Variants in DCAF6 observed in about 807,000 individuals in gnomAD.
DCAF6 encodes DDB1- and CUL4-associated factor 6.
DCAF6 carries 54 observed loss-of-function variants against 125.1 expected under a neutral mutation model. The ratio of observed to expected loss-of-function variants is 0.43; its 90% confidence interval spans 0.35 to 0.54. The LOEUF (loss-of-function observed/expected upper bound fraction) is 0.54, where lower values mean the gene tolerates loss of function less well. Among genes scored for constraint, DCAF6 ranks in the 20% least tolerant of loss-of-function variants. DCAF6 has a pLI of 0.01. For synonymous variants in DCAF6, 371 were observed against 390.4 expected, an observed-to-expected ratio of 0.95 and a Z score of 0.58; for missense variants, 934 against 1,161.7, an observed-to-expected ratio of 0.80 and a Z score of 2.85.
At chr1:167,920,466 G>A in the DCAF6 span, 1 of 1,389,266 alleles carries the variant, frequency 7.2e-7, no homozygotes, top group Non-Finnish European at 9.9e-7. Context: ...CAAACACTAA[G>A]CCACTAAATA....
intron 4 of DCAF6, among the ~76,000 whole-genome samples, chr1:167,978,332 C>G (rs753939481): frequency 6.6e-6 from 1 of 152,154 alleles, no homozygotes; most frequent in African/African-American, 2.4e-5. Context: ...ACATTCCCAC[C>G]AACAGCATGT....
the DCAF6 span, chr1:167,893,914 T>C: frequency 6.2e-7 from 1 of 1,613,650 alleles, no homozygotes; most frequent in African/African-American, 1.3e-5. Context: ...AGGATCAGGC[T>C]TCAGCGTGCA....
chr1:168,072,294 T>TAAAAAAAAAAAAAAAAAAA (rs59674650), intron 21 of DCAF6, among the ~76,000 whole-genome samples: 8 of 41,008 alleles, frequency 2.0e-4, no homozygotes, highest in African/African-American at 6.5e-4. Context: ...AGAATCAGTC[T>TAAAAAAAAAAAAAAAAAAA]AAAAAAAAAA....
At chr1:167,967,915 G>A (rs12145186) in intron 3 of DCAF6, among the ~76,000 whole-genome samples, 1 of 151,704 alleles carries the variant, frequency 6.6e-6, no homozygotes, top group Non-Finnish European at 1.5e-5. Context: ...GTTTTTGGTA[G>A]AGACAGGGTT....
the DCAF6 span, among the ~76,000 whole-genome samples, chr1:167,919,060 C>T: frequency 6.6e-6 from 1 of 152,108 alleles, no homozygotes; most frequent in Non-Finnish European, 1.5e-5. Context: ...TTTATACTCG[C>T]AAAGCACCTT....
chr1:167,974,812 T>A lies in DCAF6; in HGVS notation c.253-18T>A. 1 of 1,478,580 alleles carries A rather than the reference T, an allele frequency of 6.8e-7. No homozygotes were observed. The allele number at this position is 1,478,580 out of a possible 1,614,324, so 91.6% of individuals were successfully genotyped here. ...GAAATAATAAGTTACCATTAACTGC[T>A]TTCTTTGTGTGTTTTAGGTTTTGAC... On this transcript the variant is annotated intron_variant, in intron 3 of 21. Coordinates refer to ENST00000367840, the MANE Select transcript of DCAF6 (RefSeq NM_001198956.2).
At chr1:167,866,335 AATTTAAAGCTTGAAAT>A in the DCAF6 span, among the ~76,000 whole-genome samples, 1 of 152,214 alleles carries the variant, frequency 6.6e-6, no homozygotes, top group African/African-American at 2.4e-5. Context: ...ATACCAGATC[AATTTAAAGCTTGAAAT>A]CAAATAGCTA....
chr1:167,880,145 C>T, the DCAF6 span: 72 of 1,613,168 alleles, frequency 4.5e-5, no homozygotes, highest in South Asian at 3.5e-4. Flanking sequence ...GTGTGTCCAA[C>T]GATCCCACAG....
At chr1:167,993,558 TG>T (rs1309446934) in intron 7 of DCAF6, 118 bp downstream of exon 7, 1 of 732,882 alleles carries the variant, frequency 1.4e-6, no homozygotes, top group Non-Finnish European at 2.3e-6. Flanking sequence ...GCAACCAGCC[TG>T]ACCAACATGG....
intron 21 of DCAF6, among the ~76,000 whole-genome samples, chr1:168,074,658 G>A (rs1373735853): frequency 6.6e-6 from 1 of 152,124 alleles, no homozygotes; most frequent in Non-Finnish European, 1.5e-5. Flanking sequence ...AGAATGTGGA[G>A]GAGGGAGTTC....
the DCAF6 span, chr1:167,883,291 G>A: frequency 1.2e-6 from 1 of 844,104 alleles, no homozygotes. Flanking sequence ...GCCCACCTCT[G>A]CCTCCCAAAG....
chr1:167,928,037 G>A, the DCAF6 span, among the ~76,000 whole-genome samples: 2 of 152,060 alleles, frequency 1.3e-5, no homozygotes, highest in African/African-American at 2.4e-5. Context: ...ACTGCAAACA[G>A]TGTTTTCTTA....
At chr1:168,041,893 C>T (rs1327967650) in intron 13 of DCAF6, among the ~76,000 whole-genome samples, 1 of 3,980 alleles carries the variant, frequency 2.5e-4, no homozygotes, top group Non-Finnish European at 4.2e-4. Flanking sequence ...ATGTTTGTCG[C>T]GCACACACAC....
At chr1:167,875,523 C>T in the DCAF6 span, among the ~76,000 whole-genome samples, 1 of 152,234 alleles carries the variant, frequency 6.6e-6, no homozygotes, top group Non-Finnish European at 1.5e-5. Flanking sequence ...CAGAGTCACA[C>T]ATCCTGCAAA....
the DCAF6 span, among the ~76,000 whole-genome samples, chr1:167,924,996 T>C: frequency 6.6e-6 from 1 of 152,176 alleles, no homozygotes; most frequent in Non-Finnish European, 1.5e-5. Flanking sequence ...AAAATGGCAG[T>C]TGCTTCCCTC....
intron 21 of DCAF6, among the ~76,000 whole-genome samples, chr1:168,072,972 A>G (rs1383389737): frequency 6.6e-6 from 1 of 152,172 alleles, no homozygotes; most frequent in Non-Finnish European, 1.5e-5. Flanking sequence ...AAAACAGTAT[A>G]CATAGACATC....
chr1:168,021,225 T>C (rs1351550432), intron 11 of DCAF6, among the ~76,000 whole-genome samples: 1 of 152,086 alleles, frequency 6.6e-6, no homozygotes, highest in Non-Finnish European at 1.5e-5. Flanking sequence ...AAAAAATAAA[T>C]GTTTGAAGAT....
chr1:167,943,716 G>C (rs1672619710), intron 1 of DCAF6, among the ~76,000 whole-genome samples: 1 of 152,092 alleles, frequency 6.6e-6, no homozygotes, highest in African/African-American at 2.4e-5. Flanking sequence ...CTGCATCTGT[G>C]TGAACACGTT....
At chr1:167,909,988 A>G in the DCAF6 span, among the ~76,000 whole-genome samples, 1 of 152,144 alleles carries the variant, frequency 6.6e-6, no homozygotes, top group Non-Finnish European at 1.5e-5. Flanking sequence ...CACATGTGCT[A>G]TCTACAGATC....
Sources: allele counts gnomAD v4.1 joint callset (sites outside exome capture counted in the v4.1 genomes callset), GRCh38; gene constraint gnomAD v4.1.1; transcripts MANE v1.5; gene names NCBI Gene and HGNC (gene_info 2026-07-23, HGNC 2026-07-21).